Variants in ADGRB3 observed in about 807,000 individuals in gnomAD.
The protein encoded by ADGRB3 is adhesion G protein-coupled receptor B3.
Under a neutral mutation model 193.4 loss-of-function variants are expected in ADGRB3, and 37 were observed. The observed-to-expected ratio is 0.19, with a 90% confidence interval of 0.15 to 0.25. The LOEUF (loss-of-function observed/expected upper bound fraction) is 0.25, where lower values mean the gene tolerates loss of function less well. Ranked by LOEUF, ADGRB3 falls within the 10% of genes least tolerant of loss-of-function variation. ADGRB3 has a pLI of 1.00. For missense variants in ADGRB3, 1,637 were observed against 1,852.9 expected, an observed-to-expected ratio of 0.88 and a Z score of 2.14; for synonymous variants, 690 against 644.2, an observed-to-expected ratio of 1.07 and a Z score of -1.08.
intron 3 of ADGRB3, among the ~76,000 whole-genome samples, chr6:68,646,105 T>C (rs1768207570): frequency 6.6e-6 from 1 of 152,212 alleles, no homozygotes; most frequent in African/African-American, 2.4e-5. Context: ...ATATTAAAAA[T>C]TGTTTATCAT....
rs1429685116 is a variant in ADGRB3 at position 69,339,363 on chromosome 6, G to T, written c.3318G>T (p.Leu1106Phe). Reference protein sequence around the residue: ...MASLWSSCVVLPLLALTWMSA... With the variant: ...MASLWSSCVVFPLLALTWMSA... ...CTCTTTGGAGCTCCTGTGTGGTGTT[G>T]CCCCTTCTGGCTTTGACGTGGATGT... is the stretch of plus-strand genomic sequence containing the variant. Residue 1106 changes from leucine (L) to phenylalanine (F), a missense_variant, in exon 26 of 32, where the codon TTG (leucine) becomes TTT (phenylalanine). Physicochemically the swap from Leu to Phe is conservative, Grantham distance 22. Coordinates refer to ENST00000370598, the MANE Select transcript of ADGRB3 (RefSeq NM_001704.3). The T allele has an allele frequency of 1.9e-6, 3 of 1,613,922 alleles. No individual in the cohort carries two copies. Among genetic ancestry groups the T allele is most frequent in the Non-Finnish European group, 2.5e-6 (3 of 1,179,886 alleles).
At chr6:68,831,439 G>A (rs577328) in intron 3 of ADGRB3, among the ~76,000 whole-genome samples, 33,107 of 151,422 alleles carry the variant, frequency 0.22, 4,171 homozygotes, top group East Asian at 0.58. Context: ...GCTTAAAAGA[G>A]AAGACTGAGT....
intron 3 of ADGRB3, among the ~76,000 whole-genome samples, chr6:68,819,085 G>A (rs540799804): frequency 3.6e-4 from 55 of 152,100 alleles, no homozygotes; most frequent in African/African-American, 1.3e-3. Context: ...CCAGCCTTTA[G>A]TATATAAATA....
chr6:69,113,297 T>C (rs1773428167), intron 17 of ADGRB3, among the ~76,000 whole-genome samples: 1 of 148,796 alleles, frequency 6.7e-6, no homozygotes, highest in Admixed American at 6.6e-5. Flanking sequence ...ACAATATACA[T>C]ATGTATCACA....
chr6:69,141,194 GCTCACT>G (rs1774332293), intron 17 of ADGRB3, among the ~76,000 whole-genome samples: 1 of 151,554 alleles, frequency 6.6e-6, no homozygotes, highest in African/African-American at 2.4e-5. Flanking sequence ...CGCCATCTCG[GCTCACT>G]GCAAGCTCCG....
chr6:69,252,662 C>G (rs1766648937), intron 20 of ADGRB3, among the ~76,000 whole-genome samples: 2 of 151,954 alleles, frequency 1.3e-5, no homozygotes, highest in African/African-American at 4.8e-5. Flanking sequence ...TGTGATGTGT[C>G]TGTTCAAGTC....
intron 3 of ADGRB3, among the ~76,000 whole-genome samples, chr6:68,850,946 C>A (rs1031380206): frequency 1.3e-5 from 2 of 151,956 alleles, no homozygotes; most frequent in Non-Finnish European, 2.9e-5. Context: ...ACTTGTTTCT[C>A]ACATTTGAGC....
At chr6:68,638,447 C>G (rs564725689) in intron 2 of ADGRB3, among the ~76,000 whole-genome samples, 1 of 152,136 alleles carries the variant, frequency 6.6e-6, no homozygotes, top group African/African-American at 2.4e-5. Flanking sequence ...TTGAATGTTG[C>G]GAATTTGACC....
chr6:69,192,107 A>G (rs1191922622), intron 17 of ADGRB3, among the ~76,000 whole-genome samples: 1 of 152,122 alleles, frequency 6.6e-6, no homozygotes, highest in African/African-American at 2.4e-5. Context: ...AAAGGAGTTG[A>G]TTAAGGAGTA....
chr6:68,927,158 C>T (rs1767204683), intron 3 of ADGRB3, among the ~76,000 whole-genome samples: 1 of 152,030 alleles, frequency 6.6e-6, no homozygotes, highest in African/African-American at 2.4e-5. Flanking sequence ...AACCATGTAC[C>T]ATGTGTACAT....
chr6:69,240,422 T>C (rs1766360944), intron 20 of ADGRB3, among the ~76,000 whole-genome samples: 1 of 152,034 alleles, frequency 6.6e-6, no homozygotes. Flanking sequence ...ATTTCCTGTA[T>C]CTTTTCTTCT....
At chr6:69,225,342 T>C (rs1349265901) in intron 17 of ADGRB3, among the ~76,000 whole-genome samples, 1 of 152,222 alleles carries the variant, frequency 6.6e-6, no homozygotes, top group Non-Finnish European at 1.5e-5. Flanking sequence ...TCAATCACTT[T>C]TTAGTGAAAT....
chr6:69,000,341 C>T (rs1769533333), intron 11 of ADGRB3, among the ~76,000 whole-genome samples: 1 of 152,214 alleles, frequency 6.6e-6, no homozygotes, highest in African/African-American at 2.4e-5. Flanking sequence ...CTGGTCACAA[C>T]ATTTTCATCA....
At chr6:69,015,262 A>C (rs919420013) in intron 12 of ADGRB3, among the ~76,000 whole-genome samples, 1 of 152,064 alleles carries the variant, frequency 6.6e-6, no homozygotes, top group Admixed American at 6.6e-5. Context: ...AATTTATCAG[A>C]TGCTGTTATT....
At chr6:69,240,641 T>A (rs1441169458) in intron 20 of ADGRB3, among the ~76,000 whole-genome samples, 2 of 150,824 alleles carry the variant, frequency 1.3e-5, no homozygotes, top group Non-Finnish European at 3.0e-5. Flanking sequence ...TAAACATGGA[T>A]GTAAGTGAAA....
At chr6:69,097,880 T>C (rs962469194) in intron 17 of ADGRB3, among the ~76,000 whole-genome samples, 1 of 152,090 alleles carries the variant, frequency 6.6e-6, no homozygotes, top group African/African-American at 2.4e-5. Context: ...ATTTTTAATG[T>C]AAACATTTAT....
intron 24 of ADGRB3, among the ~76,000 whole-genome samples, chr6:69,338,505 T>C (rs1768900281): frequency 6.6e-6 from 1 of 152,224 alleles, no homozygotes; most frequent in Admixed American, 6.5e-5. Flanking sequence ...TCAGAAGGTT[T>C]TCACAGATAT....
At chr6:68,793,348 T>A (rs1026803367) in intron 3 of ADGRB3, among the ~76,000 whole-genome samples, 2 of 152,180 alleles carry the variant, frequency 1.3e-5, no homozygotes, top group African/African-American at 4.8e-5. Flanking sequence ...CAAGTAATGC[T>A]ATTCTACATC....
chr6:69,348,179 A>G (rs1465027036), intron 26 of ADGRB3, among the ~76,000 whole-genome samples: 1 of 152,240 alleles, frequency 6.6e-6, no homozygotes, highest in Non-Finnish European at 1.5e-5. Context: ...GTGAGATGAC[A>G]TCAGTAAAAA....
Sources: allele counts gnomAD v4.1 joint callset (sites outside exome capture counted in the v4.1 genomes callset), GRCh38; gene constraint gnomAD v4.1.1; transcripts MANE v1.5; gene names NCBI Gene and HGNC (gene_info 2026-07-23, HGNC 2026-07-21).